The following PHLDA2 variants were observed in gnomAD, a reference collection of about 807,000 sequenced individuals.
The protein encoded by PHLDA2 is pleckstrin homology-like domain family A member 2.
In PHLDA2, 5 loss-of-function variants were observed where a neutral mutation model predicts 5.9. The ratio of observed to expected loss-of-function variants is 0.85; its 90% confidence interval spans 0.44 to 1.78. The LOEUF is 1.78. Among genes scored for constraint, PHLDA2 ranks in the 40% most tolerant of loss-of-function variants. PHLDA2 has a pLI of 0.02. For synonymous variants in PHLDA2, 111 were observed against 102.7 expected (o/e 1.08, Z -0.49); for missense variants, 216 against 228.3 (o/e 0.95, Z 0.35).
At position 2,929,106 on chromosome 11, in the gene PHLDA2, C is replaced by T; in HGVS notation, c.259G>A (p.Glu87Lys). The T allele has an allele frequency of 1.2e-6, 2 of 1,611,898 alleles. No homozygotes were observed. Among genetic ancestry groups the T allele is most frequent in the South Asian group, 2.2e-5 (2 of 90,834 alleles). The change falls in exon 1 of 2, where the codon GAG becomes AAG. Residue 87 changes from glutamate to lysine, a missense_variant. By Grantham distance (56) the Glu-to-Lys change is moderately conservative. Coordinates refer to ENST00000314222, the MANE Select transcript of PHLDA2 (RefSeq NM_003311.4). This position sits in a 1 kb window ranked among gnomAD's most constrained non-coding sequence, Gnocchi z 8.3. Reference sequence around the variant, plus strand: ...GCGATGGCCGCGTTCCAGCAGCTCTCGCCCGCGCAGCGGAAGTCGATCTCC... The same window carrying T: ...GCGATGGCCGCGTTCCAGCAGCTCTTGCCCGCGCAGCGGAAGTCGATCTCC... ...HKEIDFRCAG[E>K]SCWNAAIALA... is the part of the protein sequence containing the mutation.
Position 2,929,377 on chromosome 11 carries a change from G to C in PHLDA2, c.-13C>G, listed in dbSNP as rs781527866. On this transcript the variant is annotated 5_prime_UTR_variant, in exon 1 of 2. Transcript: ENST00000314222. This position sits in a 1 kb window ranked among gnomAD's most constrained non-coding sequence, Gnocchi z 8.3. ...CGGGGGATTTCATGTCGTGCCGAGCGCGGGACTGGGAGCGGCAATGCGGGC... is the reference window on the plus strand; with the variant it reads ...CGGGGGATTTCATGTCGTGCCGAGCCCGGGACTGGGAGCGGCAATGCGGGC... 6.3e-6 allele frequency: 10 copies of C among 1,591,700 alleles called. No homozygotes were observed. The Admixed American group carries it at 1.7e-4, about 27-fold the overall frequency.
At position 2,929,092 on chromosome 11, in the gene PHLDA2, G is replaced by A. The variant is rs147582840; in HGVS notation, c.273C>T (p.Asn91=). ...DFRCAGESCW[N]AAIALALIDF... ...CGATGAGCGCCAGCGCGATGGCCGC[G>A]TTCCAGCAGCTCTCGCCCGCGCAGC... The change falls in exon 1 of 2, where the codon AAC becomes AAT. Residue 91 remains asparagine (N), a synonymous_variant. Coordinates refer to ENST00000314222, the MANE Select transcript of PHLDA2 (RefSeq NM_003311.4). This position sits in a 1 kb window ranked among gnomAD's most constrained non-coding sequence, Gnocchi z 8.3. 7.5e-4 allele frequency: 1,209 copies of A among 1,611,452 alleles called. 9 individuals carry two copies. In the African/African-American group the frequency reaches 0.014, roughly 19 times the overall value.
chr11:2,929,130 C>T lies in PHLDA2; in HGVS notation c.235G>A (p.Glu79Lys). The change falls in exon 1 of 2, where the codon GAG (glutamate) becomes AAG (lysine). Residue 79 changes from glutamate (E) to lysine (K), a missense_variant. Glu to Lys is a moderately conservative substitution (Grantham distance 56, BLOSUM62 1). Coordinates refer to ENST00000314222, the MANE Select transcript of PHLDA2 (RefSeq NM_003311.4). This position sits in a 1 kb window ranked among gnomAD's most constrained non-coding sequence, Gnocchi z 8.3. ...YFTIVTTDHKEIDFRCAGESC... is the reference protein window; with the variant it reads ...YFTIVTTDHKKIDFRCAGESC... The stretch of plus-strand genomic sequence containing the variant: ...TCGCCCGCGCAGCGGAAGTCGATCT[C>T]CTTGTGGTCGGTGGTGACGATGGTG... 1.9e-6 allele frequency: 3 copies of T among 1,612,882 alleles called. No homozygotes were observed. The highest frequency in any genetic ancestry group is 8.5e-7 in the Non-Finnish European group (1 of 1,179,882).
At position 2,929,033 on chromosome 11, in the gene PHLDA2, C is replaced by G; in HGVS notation, c.332G>C (p.Arg111Pro). 2 of 1,593,506 alleles carry G rather than the reference C, an allele frequency of 1.3e-6. No individual in the cohort carries two copies. Among genetic ancestry groups the G allele is most frequent in the South Asian group, 1.1e-5 (1 of 89,142 alleles). Reference protein sequence around the residue: ...FQNRRALQDFRSRQERTAPAA... With the variant: ...FQNRRALQDFPSRQERTAPAA... The stretch of plus-strand genomic sequence containing the variant: ...GGGTGCGGTGCGTTCCTGGCGGCTG[C>G]GAAAGTCCTGCAGGGCGCGGCGGTT... Residue 111 changes from arginine (R) to proline (P), a missense_variant, in exon 1 of 2, where the codon CGC (arginine) becomes CCC (proline). By Grantham distance (103) the Arg-to-Pro change is moderately radical. Coordinates refer to ENST00000314222, the MANE Select transcript of PHLDA2 (RefSeq NM_003311.4). This position sits in a 1 kb window ranked among gnomAD's most constrained non-coding sequence, Gnocchi z 8.3.
At position 2,928,611 on chromosome 11, in the gene PHLDA2, G is replaced by C; in HGVS notation, c.*67C>G. The C allele has an allele frequency of 2.4e-6, 1 of 412,416 alleles. No homozygotes were observed. The highest frequency in any genetic ancestry group is 4.2e-6 in the Non-Finnish European group (1 of 236,982). The allele number at this position is 412,416 out of a possible 1,614,324, so 25.5% of individuals were successfully genotyped here. ...GCGCACGGGAAGTTCTTCTGCTGCA[G>C]GGCTGGAGAGCGCCGGCCACGTCCT... On this transcript the variant is annotated 3_prime_UTR_variant, in exon 2 of 2. Coordinates refer to ENST00000314222, the MANE Select transcript of PHLDA2 (RefSeq NM_003311.4).
Position 2,929,394 on chromosome 11 carries a change from A to C in PHLDA2, c.-30T>G, listed in dbSNP as rs767320836. ...TGCCGAGCGCGGGACTGGGAGCGGC[A>C]ATGCGGGCGGTGACGGCGCCGGCTC... On this transcript the variant is annotated 5_prime_UTR_variant, in exon 1 of 2. It adds an upstream start codon to the 5' untranslated region. Transcript: ENST00000314222. The surrounding 1 kb of genome is among the most constrained non-coding windows in gnomAD (Gnocchi z 8.3). The C allele has an allele frequency of 2.6e-6, 4 of 1,555,680 alleles. No homozygotes were observed. The highest frequency in any genetic ancestry group is 3.5e-6 in the Non-Finnish European group (4 of 1,148,234).
Position 2,928,884 on chromosome 11 carries a change from G to GCAGT in PHLDA2, c.*10+8_*10+11dup, listed in dbSNP as rs1850472308. The stretch of plus-strand genomic sequence containing the variant: ...GGGCGCAGGGCTCGCCGGGACGCGG[G>GCAGT]CAGTCACTCACCGCGGCGGGCTCAT... On this transcript the variant is annotated intron_variant, in intron 1 of 1. Transcript: ENST00000314222. 7.4e-7 allele frequency: 1 copy of GCAGT among 1,345,414 alleles called. No homozygotes were observed. The highest frequency in any genetic ancestry group is 9.5e-7 in the Non-Finnish European group (1 of 1,052,648). 83.3% of individuals were successfully genotyped at this position (1,345,414 alleles called of 1,614,324 possible).
At position 2,928,918 on chromosome 11, in the gene PHLDA2, G is replaced by T; in HGVS notation, c.447C>A (p.Pro149=). 2.9e-6 allele frequency: 4 copies of T among 1,390,786 alleles called. No individual in the cohort carries two copies. Among genetic ancestry groups the T allele is most frequent in the Non-Finnish European group, 3.7e-6 (4 of 1,082,870 alleles). The allele number at this position is 1,390,786 out of a possible 1,614,324, so 86.2% of individuals were successfully genotyped here. A position where few individuals can be genotyped will look rare whatever the true frequency, so the allele number is the denominator to read the frequency against. The change falls in exon 1 of 2, where the codon CCC becomes CCA. Residue 149 remains proline, a synonymous_variant. Transcript: ENST00000314222. Reference sequence around the variant, plus strand: ...CACCGCGGCGGGCTCATGGCGTGCGGGGTTTGGGCTGCGGGGATGGCCTGG... The same window carrying T: ...CACCGCGGCGGGCTCATGGCGTGCGTGGTTTGGGCTGCGGGGATGGCCTGG... ...EPSRPSPQPK[P]RTP
In PHLDA2 at chr11:2,929,233, G is replaced by C. The variant is rs763819500; in HGVS notation, c.132C>G (p.Arg44=). 3 of 1,612,078 alleles carry C rather than the reference G, an allele frequency of 1.9e-6. No homozygotes were observed. The highest frequency in any genetic ancestry group is 2.2e-5 in the South Asian group (2 of 90,926). ...DRLSLFPASP[R]ARPKELRFHS... Reference sequence around the variant, plus strand: ...GGAAGCGCAGCTCCTTGGGGCGCGCGCGGGGGCTGGCGGGGAACAGGCTCA... The same window carrying C: ...GGAAGCGCAGCTCCTTGGGGCGCGCCCGGGGGCTGGCGGGGAACAGGCTCA... The change falls in exon 1 of 2, where the codon CGC becomes CGG. Residue 44 remains arginine, a synonymous_variant. Transcript: ENST00000314222. The surrounding 1 kb of genome is among the most constrained non-coding windows in gnomAD (Gnocchi z 8.3).
chr11:2,929,370 G>T lies in PHLDA2; in HGVS notation c.-6C>A. 6.3e-7 allele frequency: 1 copy of T among 1,598,052 alleles called. No individual in the cohort carries two copies. The highest frequency in any genetic ancestry group is 8.5e-7 in the Non-Finnish European group (1 of 1,174,232). ...ACCTCGTCGGGGGATTTCATGTCGT[G>T]CCGAGCGCGGGACTGGGAGCGGCAA... On this transcript the variant is annotated 5_prime_UTR_variant, in exon 1 of 2. Coordinates refer to ENST00000314222, the MANE Select transcript of PHLDA2 (RefSeq NM_003311.4). This position sits in a 1 kb window ranked among gnomAD's most constrained non-coding sequence, Gnocchi z 8.3.
chr11:2,929,074 C>G lies in PHLDA2; in HGVS notation c.291G>C (p.Ala97=). Residue 97 remains alanine (A), a synonymous_variant, in exon 1 of 2, where the codon GCG becomes GCC. Transcript: ENST00000314222. The surrounding 1 kb of genome is among the most constrained non-coding windows in gnomAD (Gnocchi z 8.3). ...ESCWNAAIAL[A]LIDFQNRRAL... ...CGCGGCGGTTCTGGAAATCGATGAG[C>G]GCCAGCGCGATGGCCGCGTTCCAGC... The G allele has an allele frequency of 6.2e-7, 1 of 1,610,782 alleles. No homozygotes were observed. The highest frequency in any genetic ancestry group is 1.1e-5 in the South Asian group (1 of 90,804).
In PHLDA2 at chr11:2,929,164, G is replaced by A. The variant is rs1347236320; in HGVS notation, c.201C>T (p.Tyr67=). Residue 67 remains tyrosine (Y), a synonymous_variant, in exon 1 of 2, where the codon TAC becomes TAT. Coordinates refer to ENST00000314222, the MANE Select transcript of PHLDA2 (RefSeq NM_003311.4). The surrounding 1 kb of genome is among the most constrained non-coding windows in gnomAD (Gnocchi z 8.3). ...KVDCVERTGK[Y]VYFTIVTTDH... is the part of the protein sequence containing the mutation. The stretch of plus-strand genomic sequence containing the variant: ...CGGTGGTGACGATGGTGAAGTACAC[G>A]TACTTGCCCGTGCGCTCCACGCAGT... 6.2e-7 allele frequency: 1 copy of A among 1,612,958 alleles called. No homozygotes were observed. Among genetic ancestry groups the A allele is most frequent in the Non-Finnish European group, 8.5e-7 (1 of 1,179,920 alleles).
chr11:2,928,599 T>C lies in PHLDA2; in HGVS notation c.*79A>G. 1 of 400,336 alleles carries C rather than the reference T, an allele frequency of 2.5e-6. No individual in the cohort carries two copies. The highest frequency in any genetic ancestry group is 4.4e-6 in the Non-Finnish European group (1 of 229,298). 24.8% of individuals were successfully genotyped at this position (400,336 alleles called of 1,614,324 possible). A position where few individuals can be genotyped will look rare whatever the true frequency, so the allele number is the denominator to read the frequency against. ...GCGAGGATCCGCGCGCACGGGAAGT[T>C]CTTCTGCTGCAGGGCTGGAGAGCGC... On this transcript the variant is annotated 3_prime_UTR_variant, in exon 2 of 2. Coordinates refer to ENST00000314222, the MANE Select transcript of PHLDA2 (RefSeq NM_003311.4).
chr11:2,929,241 T>C lies in PHLDA2; in HGVS notation c.124A>G (p.Ser42Gly). Residue 42 changes from serine to glycine, a missense_variant, in exon 1 of 2, where the codon AGC becomes GGC. Ser to Gly is a moderately conservative substitution (Grantham distance 56). Transcript: ENST00000314222. This position sits in a 1 kb window ranked among gnomAD's most constrained non-coding sequence, Gnocchi z 8.3. ...AGCTCCTTGGGGCGCGCGCGGGGGC[T>C]GGCGGGGAACAGGCTCAGGCGGTCG... is the stretch of plus-strand genomic sequence containing the variant. ...TSDRLSLFPA[S>G]PRARPKELRF... 1 of 1,612,082 alleles carries C rather than the reference T, an allele frequency of 6.2e-7. No individual in the cohort carries two copies. The highest frequency in any genetic ancestry group is 1.1e-5 in the South Asian group (1 of 90,938).
At position 2,928,890 on chromosome 11, in the gene PHLDA2, ACT is replaced by A; in HGVS notation, c.*10+4_*10+5del. On this transcript the variant is annotated splice_donor_5th_base_variant and intron_variant, in intron 1 of 1. Coordinates refer to ENST00000314222, the MANE Select transcript of PHLDA2 (RefSeq NM_003311.4). Reference sequence around the variant, plus strand: ...AGGGCTCGCCGGGACGCGGGCAGTCACTCACCGCGGCGGGCTCATGGCGTGCG... The same window carrying A: ...AGGGCTCGCCGGGACGCGGGCAGTCACACCGCGGCGGGCTCATGGCGTGCG... 7.4e-7 allele frequency: 1 copy of A among 1,353,078 alleles called. No individual in the cohort carries two copies. Among genetic ancestry groups the A allele is most frequent in the Non-Finnish European group, 9.4e-7 (1 of 1,058,830 alleles). 83.8% of individuals were successfully genotyped at this position (1,353,078 alleles called of 1,614,324 possible).
intron 1 of PHLDA2, 37 bp downstream of exon 1, chr11:2,928,859 G>T: frequency 7.7e-7 from 1 of 1,298,298 alleles, no homozygotes; most frequent in South Asian, 1.9e-5. Flanking sequence ...CCGGCTGTTA[G>T]GGCGCAGGGC....
At position 2,929,359 on chromosome 11, in the gene PHLDA2, T is replaced by C. The variant is rs1850486110; in HGVS notation, c.6A>G (p.Lys2=). 3 of 1,602,884 alleles carry C rather than the reference T, an allele frequency of 1.9e-6. No homozygotes were observed. Among genetic ancestry groups the C allele is most frequent in the Non-Finnish European group, 2.6e-6 (3 of 1,176,350 alleles). The change falls in exon 1 of 2, where the codon AAA becomes AAG. Residue 2 remains lysine (K), a synonymous_variant. Transcript: ENST00000314222. The surrounding 1 kb of genome is among the most constrained non-coding windows in gnomAD (Gnocchi z 8.3). ...CCTCGCGTAGCACCTCGTCGGGGGA[T>C]TTCATGTCGTGCCGAGCGCGGGACT... M[K]SPDEVLREGE...
chr11:2,929,037 A>T lies in PHLDA2; in HGVS notation c.328T>A (p.Phe110Ile). ...GCGGTGCGTTCCTGGCGGCTGCGAA[A>T]GTCCTGCAGGGCGCGGCGGTTCTGG... is the stretch of plus-strand genomic sequence containing the variant. The part of the protein sequence containing the change: ...DFQNRRALQD[F>I]RSRQERTAPA... The change falls in exon 1 of 2, where the codon TTT becomes ATT. Residue 110 changes from phenylalanine (F) to isoleucine (I), a missense_variant. Coordinates refer to ENST00000314222, the MANE Select transcript of PHLDA2 (RefSeq NM_003311.4). The surrounding 1 kb of genome is among the most constrained non-coding windows in gnomAD (Gnocchi z 8.3). The T allele has an allele frequency of 6.3e-7, 1 of 1,598,748 alleles. No homozygotes were observed. The highest frequency in any genetic ancestry group is 2.3e-5 in the East Asian group (1 of 43,952).
chr11:2,928,485 A>C lies in PHLDA2; in HGVS notation c.*193T>G, dbSNP rs1388421146. The C allele has an allele frequency of 2.0e-5, 4 of 200,316 alleles. No individual in the cohort carries two copies. The East Asian group carries it at 4.5e-4, about 23-fold the overall frequency. The allele number at this position is 200,316 out of a possible 1,614,324, so 12.4% of individuals were successfully genotyped here. A position where few individuals can be genotyped will look rare whatever the true frequency, so the allele number is the denominator to read the frequency against. On this transcript the variant is annotated 3_prime_UTR_variant, in exon 2 of 2. Transcript: ENST00000314222. ...ACAGTGATGCAAAAACAAGATATTAAGACTATAAAATATGTGACTACAAAG... is the reference window on the plus strand; with the variant it reads ...ACAGTGATGCAAAAACAAGATATTACGACTATAAAATATGTGACTACAAAG...
Sources: gnomAD v4.1 joint callset for allele counts on GRCh38, gnomAD v4.1.1 for gene constraint, Gnocchi (gnomAD v3.1) non-coding constraint, MANE v1.5 for transcripts, NCBI Gene and HGNC (gene_info 2026-07-23, HGNC 2026-07-21) for gene names.